Variants in NRG1 observed in about 807,000 individuals in gnomAD.
The protein encoded by NRG1 is pro-neuregulin-1, membrane-bound isoform.
NRG1 carries 18 observed loss-of-function variants against 63.8 expected under a neutral mutation model. That is an observed-to-expected ratio of 0.28 (90% CI 0.19 to 0.42). The LOEUF (loss-of-function observed/expected upper bound fraction) is 0.42. Ranked by LOEUF, NRG1 falls within the 10% of genes least tolerant of loss-of-function variation. NRG1 has a pLI of 1.00. For missense variants in NRG1, 762 were observed against 814.7 expected, an observed-to-expected ratio of 0.94 and a Z score of 0.79; for synonymous variants, 302 against 301.3, an observed-to-expected ratio of 1.00 and a Z score of -0.02.
At chr8:31,675,826 T>A (rs1004218607) in intron 1 of NRG1, among the ~76,000 whole-genome samples, 1 of 152,186 alleles carries the variant, frequency 6.6e-6, no homozygotes, top group Non-Finnish European at 1.5e-5. Flanking sequence ...ATTATTCCTC[T>A]TTTACAGGTG....
intron 1 of NRG1, among the ~76,000 whole-genome samples, chr8:32,593,496 A>G (rs1842849078): frequency 7.3e-6 from 1 of 136,856 alleles, no homozygotes; most frequent in East Asian, 3.5e-4. Context: ...TCTATGAAAA[A>G]TACAACAGTT....
chr8:31,656,593 AT>A lies in NRG1; in HGVS notation c.37+17163del, dbSNP rs771377386. Among the ~76,000 whole-genome samples the A allele has an allele frequency of 2.0e-5, 3 of 152,344 alleles. No individual in the cohort carries two copies. The East Asian group carries it at 5.8e-4, about 29-fold the overall frequency. ...GTGGTGGGGGATAAGACTGGGAAGAATAACTAATTTGAGAGACCCAATGGAT... is the reference window on the plus strand; with the variant it reads ...GTGGTGGGGGATAAGACTGGGAAGAAAACTAATTTGAGAGACCCAATGGAT... On this transcript the variant is annotated intron_variant, in intron 1 of 10. Coordinates refer to the NRG1 transcript ENST00000519301.
Position 31,987,600 on chromosome 8 carries a change from G to T in NRG1, c.37+348169G>T, listed in dbSNP as rs114433577. Reference sequence around the variant, plus strand: ...CACTGAGGCCTACCTGAGGATGGAGGTTGGGAGGAGGATGAGAATCAAAAA... The same window carrying T: ...CACTGAGGCCTACCTGAGGATGGAGTTTGGGAGGAGGATGAGAATCAAAAA... On this transcript the variant is annotated intron_variant, in intron 1 of 10. Coordinates refer to the NRG1 transcript ENST00000519301. 2.4e-3 allele frequency among the ~76,000 whole-genome samples: 357 copies of T among 151,794 alleles called. 2 individuals are homozygous for T. Among genetic ancestry groups the T allele is most frequent in the African/African-American group, 8.3e-3 (345 of 41,386 alleles).
intron 1 of NRG1, among the ~76,000 whole-genome samples, chr8:31,671,936 A>G (rs1807196718): frequency 6.6e-6 from 1 of 152,158 alleles, no homozygotes; most frequent in African/African-American, 2.4e-5. Flanking sequence ...AAAGATAGCA[A>G]TATAGAGATG....
At chr8:32,406,154 CT>C (rs1723406325) in intron 1 of NRG1, among the ~76,000 whole-genome samples, 1 of 152,100 alleles carries the variant, frequency 6.6e-6, no homozygotes, top group African/African-American at 2.4e-5. Flanking sequence ...GTCAAGCCCC[CT>C]AACTTCCCTA....
At chr8:31,940,657 T>A (rs996808985) in intron 1 of NRG1, among the ~76,000 whole-genome samples, 26 of 151,938 alleles carry the variant, frequency 1.7e-4, no homozygotes, top group Non-Finnish European at 1.3e-4. Context: ...ATTAGTGAGA[T>A]TAACCAAGAA....
At chr8:32,595,851 A>G in exon 2 of NRG1, 2 of 1,612,356 alleles carry the variant, frequency 1.2e-6, no homozygotes, top group Non-Finnish European at 1.7e-6. Flanking sequence ...ATTGAAAGAG[A>G]TGAAAAGCCA....
intron 1 of NRG1, among the ~76,000 whole-genome samples, chr8:32,408,195 A>C (rs1348692314): frequency 6.6e-6 from 1 of 152,160 alleles, no homozygotes; most frequent in Non-Finnish European, 1.5e-5. Flanking sequence ...GAAGGTGATC[A>C]TGTGTTCTCT....
At chr8:32,355,959 G>C (rs898121853) in intron 1 of NRG1, among the ~76,000 whole-genome samples, 1 of 152,120 alleles carries the variant, frequency 6.6e-6, no homozygotes. Context: ...TGTTGTGCAC[G>C]TGCGCGTGTG....
chr8:32,718,425 C>G (rs1327389665), intron 5 of NRG1, among the ~76,000 whole-genome samples: 1 of 152,142 alleles, frequency 6.6e-6, no homozygotes, highest in Non-Finnish European at 1.5e-5. Flanking sequence ...AAACCCTCTT[C>G]TACTCTCACC....
chr8:32,080,396 G>A (rs1666101293), intron 1 of NRG1, among the ~76,000 whole-genome samples: 1 of 152,168 alleles, frequency 6.6e-6, no homozygotes, highest in South Asian at 2.1e-4. Context: ...AGGTGCCACA[G>A]TCATGTCCCT....
intron 1 of NRG1, among the ~76,000 whole-genome samples, chr8:32,594,271 G>T (rs1204383567): frequency 6.6e-6 from 1 of 152,122 alleles, no homozygotes; most frequent in Non-Finnish European, 1.5e-5. Flanking sequence ...AATCAGGGAG[G>T]TATAGACTCA....
chr8:32,118,217 G>A (rs1200689658), intron 1 of NRG1, among the ~76,000 whole-genome samples: 1 of 152,062 alleles, frequency 6.6e-6, no homozygotes, highest in Non-Finnish European at 1.5e-5. Flanking sequence ...GGTCATGAGG[G>A]CAGATCCTTC....
intron 1 of NRG1, among the ~76,000 whole-genome samples, chr8:31,924,159 C>A (rs1347247587): frequency 2.0e-5 from 3 of 151,916 alleles, no homozygotes; most frequent in Admixed American, 6.6e-5. Context: ...TCGAGACCAG[C>A]CTGACCAATA....
At chr8:31,882,167 C>T (rs574151946) in intron 1 of NRG1, among the ~76,000 whole-genome samples, 8 of 151,956 alleles carry the variant, frequency 5.3e-5, no homozygotes, top group Admixed American at 3.3e-4. Flanking sequence ...AGCCCATGCT[C>T]ATTTACCATT....
intron 1 of NRG1, among the ~76,000 whole-genome samples, chr8:32,398,920 A>G (rs1812800528): frequency 6.6e-6 from 1 of 152,214 alleles, no homozygotes; most frequent in African/African-American, 2.4e-5. Flanking sequence ...ATTTTGCAGA[A>G]TATGAGTTTT....
chr8:32,693,813 C>A (rs972893851), intron 5 of NRG1, among the ~76,000 whole-genome samples: 1 of 152,122 alleles, frequency 6.6e-6, no homozygotes, highest in Non-Finnish European at 1.5e-5. Flanking sequence ...GGAGATATGA[C>A]CCCATAAACA....
intron 1 of NRG1, among the ~76,000 whole-genome samples, chr8:31,865,115 G>T (rs1828835869): frequency 6.6e-6 from 1 of 152,074 alleles, no homozygotes. Flanking sequence ...AGTAACTTTT[G>T]GCACCACTGC....
chr8:32,064,516 C>A (rs1485010094), intron 1 of NRG1, among the ~76,000 whole-genome samples: 3 of 152,096 alleles, frequency 2.0e-5, no homozygotes, highest in Non-Finnish European at 4.4e-5. Flanking sequence ...GATTCAGTTA[C>A]CAGCATGCAC....
Sources: gnomAD v4.1 joint callset for allele counts (sites outside exome capture counted in the v4.1 genomes callset) on GRCh38, gnomAD v4.1.1 for gene constraint, MANE v1.5 for transcripts, NCBI Gene and HGNC (gene_info 2026-07-23, HGNC 2026-07-21) for gene names.